AUTS2: variants seen among roughly 807,000 people sequenced by gnomAD.
AUTS2 encodes autism susceptibility gene 2 protein.
Under a neutral mutation model 112.4 loss-of-function variants are expected in AUTS2, and 17 were observed. The observed-to-expected ratio is 0.15, with a 90% CI of 0.10 to 0.23. The LOEUF (loss-of-function observed/expected upper bound fraction) is 0.23, where lower values mean the gene tolerates loss of function less well. AUTS2 is among the 10% of genes least tolerant of loss of function. The pLI is 1.00. For missense variants in AUTS2, 1,510 were observed against 1,701.6 expected, an observed-to-expected ratio of 0.89 and a Z score of 1.98; for synonymous variants, 751 against 702.7, an observed-to-expected ratio of 1.07 and a Z score of -1.09.
chr7:69,663,881 T>C (rs1293513800), intron 1 of AUTS2, among the ~76,000 whole-genome samples: 5 of 152,238 alleles, frequency 3.3e-5, no homozygotes, highest in Non-Finnish European at 5.9e-5. Flanking sequence ...TGATCTGTGC[T>C]TATTTTGGCA....
chr7:70,274,705 G>A (rs373656474), intron 4 of AUTS2, among the ~76,000 whole-genome samples: 1 of 152,082 alleles, frequency 6.6e-6, no homozygotes, highest in Non-Finnish European at 1.5e-5. Context: ...TTTTATAATC[G>A]GAATGGTAGA....
chr7:70,166,511 A>G (rs1397130331), intron 4 of AUTS2, among the ~76,000 whole-genome samples: 1 of 152,218 alleles, frequency 6.6e-6, no homozygotes, highest in Non-Finnish European at 1.5e-5. Flanking sequence ...TACTGTTGTA[A>G]GGTTTCTGTA....
chr7:70,521,550 T>G (rs914802703), intron 5 of AUTS2, among the ~76,000 whole-genome samples: 4 of 152,182 alleles, frequency 2.6e-5, no homozygotes, highest in Non-Finnish European at 5.9e-5. Context: ...TCTGTCAAAA[T>G]GTATTATCTA....
At chr7:70,685,472 CAAAAAAAAAAAAA>C (rs34403837) in intron 5 of AUTS2, among the ~76,000 whole-genome samples, 2 of 65,988 alleles carry the variant, frequency 3.0e-5, no homozygotes, top group Non-Finnish European at 6.5e-5. Context: ...GACTCTGTCT[CAAAAAAAAAAAAA>C]AAAAAAAAGA....
chr7:70,610,475 G>T, intron 5 of AUTS2, among the ~76,000 whole-genome samples: 2 of 106,872 alleles, frequency 1.9e-5, no homozygotes, highest in African/African-American at 3.7e-5. Context: ...TCATTCTGTT[G>T]CCCAGGCTAG....
chr7:70,787,720 A>G (rs1206184225), intron 18 of AUTS2, among the ~76,000 whole-genome samples: 1 of 152,222 alleles, frequency 6.6e-6, no homozygotes, highest in Admixed American at 6.5e-5. Flanking sequence ...GTCTTTCTCT[A>G]GAAGACAGGG....
chr7:70,544,866 G>A (rs1271850070), intron 5 of AUTS2, among the ~76,000 whole-genome samples: 1 of 152,006 alleles, frequency 6.6e-6, no homozygotes, highest in Non-Finnish European at 1.5e-5. Context: ...TATTTACCTG[G>A]GTCTCAGTTC....
intron 4 of AUTS2, among the ~76,000 whole-genome samples, chr7:70,167,852 A>T (rs1043427568): frequency 6.6e-6 from 1 of 152,242 alleles, no homozygotes; most frequent in Non-Finnish European, 1.5e-5. Flanking sequence ...TGATTTTTAC[A>T]GTTTACATGC....
chr7:69,852,020 T>C (rs1008544273), intron 1 of AUTS2, among the ~76,000 whole-genome samples: 2 of 152,196 alleles, frequency 1.3e-5, no homozygotes, highest in Admixed American at 6.5e-5. Context: ...TGCTGAATAG[T>C]GGTAGTGAGA....
At chr7:70,369,366 C>T (rs972260095) in intron 4 of AUTS2, among the ~76,000 whole-genome samples, 1 of 152,132 alleles carries the variant, frequency 6.6e-6, no homozygotes, top group Admixed American at 6.5e-5. Context: ...AAAGCTCATG[C>T]CATGAGTTTG....
chr7:70,680,431 T>G (rs1808149650), intron 5 of AUTS2, among the ~76,000 whole-genome samples: 1 of 152,192 alleles, frequency 6.6e-6, no homozygotes, highest in Non-Finnish European at 1.5e-5. Flanking sequence ...ATTCAGCACC[T>G]CATCTTCCCT....
chr7:70,494,493 T>C (rs1308923231), intron 5 of AUTS2, among the ~76,000 whole-genome samples: 1 of 152,072 alleles, frequency 6.6e-6, no homozygotes, highest in African/African-American at 2.4e-5. Context: ...ATAATTGCAA[T>C]GAGAAGGGGA....
At chr7:69,933,858 C>A (rs544757962) in intron 2 of AUTS2, among the ~76,000 whole-genome samples, 2 of 152,228 alleles carry the variant, frequency 1.3e-5, no homozygotes, top group African/African-American at 4.8e-5. Flanking sequence ...TTTCTTGAAA[C>A]CTTTGTTCTT....
chr7:70,730,865 A>G (rs949527298), intron 6 of AUTS2, among the ~76,000 whole-genome samples: 8 of 152,184 alleles, frequency 5.3e-5, no homozygotes, highest in Admixed American at 1.3e-4. Flanking sequence ...TTTCATTCCC[A>G]CCAACAGTGT....
rs544651508 is a variant in AUTS2 at position 70,298,946 on chromosome 7, G to A, written c.661-136806G>A. Among the ~76,000 whole-genome samples the A allele has an allele frequency of 2.6e-5, 4 of 152,314 alleles. No individual in the cohort carries two copies. The South Asian group carries it at 8.3e-4, about 32-fold the overall frequency. On this transcript the variant is annotated intron_variant, in intron 4 of 18. Transcript: ENST00000342771. Reference sequence around the variant, plus strand: ...TCCCATTTAATGCCAGCCCACACGGGTGCACACACAGACACACACTTTGCT... The same window carrying A: ...TCCCATTTAATGCCAGCCCACACGGATGCACACACAGACACACACTTTGCT...
At chr7:69,978,802 C>A (rs981312770) in intron 2 of AUTS2, among the ~76,000 whole-genome samples, 1 of 151,112 alleles carries the variant, frequency 6.6e-6, no homozygotes, top group Admixed American at 6.6e-5. Flanking sequence ...GCCATGATTG[C>A]ACCTCTGTAT....
chr7:70,043,851 C>T (rs1019575515), intron 2 of AUTS2, among the ~76,000 whole-genome samples: 3 of 151,944 alleles, frequency 2.0e-5, no homozygotes, highest in South Asian at 2.1e-4. Flanking sequence ...TCAGGTGATC[C>T]GCCCATCTCA....
At chr7:69,960,148 C>A (rs1175834668) in intron 2 of AUTS2, among the ~76,000 whole-genome samples, 1 of 152,224 alleles carries the variant, frequency 6.6e-6, no homozygotes, top group Admixed American at 6.5e-5. Context: ...TAGATAACAT[C>A]CTAAGAACAT....
At chr7:70,254,982 GAGT>G (rs1786784289) in intron 4 of AUTS2, among the ~76,000 whole-genome samples, 1 of 151,976 alleles carries the variant, frequency 6.6e-6, no homozygotes, top group Non-Finnish European at 1.5e-5. Context: ...AAGATTGGGT[GAGT>G]AGGGCTCAGT....
Sources: gnomAD v4.1 joint callset for allele counts (sites outside exome capture counted in the v4.1 genomes callset) on GRCh38, gnomAD v4.1.1 for gene constraint, MANE v1.5 for transcripts, NCBI Gene and HGNC (gene_info 2026-07-23, HGNC 2026-07-21) for gene names.